The following GATA4 variants were observed in gnomAD, a reference collection of about 807,000 sequenced individuals.
The protein encoded by GATA4 is GATA binding protein 4, also known as transcription factor GATA-4.
In GATA4, 7 loss-of-function variants were observed where a neutral mutation model predicts 37.9. That is an observed-to-expected ratio of 0.18 (90% CI 0.11 to 0.35). GATA4 has a LOEUF of 0.35. GATA4 is among the 10% of genes least tolerant of loss of function. The pLI, the probability that GATA4 is intolerant of heterozygous loss-of-function variation, is 1.00. For missense variants in GATA4, 647 were observed against 653.0 expected (o/e 0.99, Z 0.10); for synonymous variants, 372 against 292.6 (o/e 1.27, Z -2.77).
At chr8:11,692,336 G>A (rs919058696), upstream of GATA4, among the ~76,000 whole-genome samples, 7 of 152,244 alleles carry the variant, frequency 4.6e-5, no homozygotes, top group African/African-American at 1.7e-4. Context: ...CTTGCTCCAT[G>A]AGAACATTAG....
intron 1 of GATA4, chr8:11,698,009 C>T (rs1415576670): frequency 2.0e-6 from 2 of 985,328 alleles, no homozygotes; most frequent in Non-Finnish European, 2.4e-6. Flanking sequence ...GGGAGCTGGG[C>T]AAGAGGAGCC....
At chr8:11,733,616 C>T (rs781093250) in intron 2 of GATA4, among the ~76,000 whole-genome samples, 1 of 152,196 alleles carries the variant, frequency 6.6e-6, no homozygotes, top group South Asian at 2.1e-4. Flanking sequence ...TGTTATGTGC[C>T]TTAACAATGC....
At chr8:11,748,871 G>T (rs771243595) in intron 2 of GATA4, 45 bp from the exon 3 acceptor site, 2 of 1,608,494 alleles carry the variant, frequency 1.2e-6, no homozygotes, top group Non-Finnish European at 8.5e-7. Flanking sequence ...CATAAACAAA[G>T]AATTAATCCT....
intron 6 of GATA4, among the ~76,000 whole-genome samples, chr8:11,757,819 C>T (rs978699115): frequency 3.9e-5 from 6 of 152,248 alleles, no homozygotes; most frequent in African/African-American, 1.4e-4. Flanking sequence ...ATCACGGTCT[C>T]CTTTGACCAG....
At position 11,709,427 on chromosome 8, in the gene GATA4, C is replaced by A. The variant is rs1451493305; in HGVS notation, c.616+499C>A. ...TTGGCGGCCCAGCTGGAGGATCCCTCGGGGTAGCTGATGATTTTCCCGTCG... is the reference window on the plus strand; with the variant it reads ...TTGGCGGCCCAGCTGGAGGATCCCTAGGGGTAGCTGATGATTTTCCCGTCG... On this transcript the variant is annotated intron_variant, in intron 2 of 6. Coordinates refer to ENST00000532059, the MANE Select transcript of GATA4 (RefSeq NM_001308093.3). This position sits in a 1 kb window ranked among gnomAD's most constrained non-coding sequence, Gnocchi z 4.3. Among the ~76,000 whole-genome samples, 3 of 152,172 alleles carry A rather than the reference C, an allele frequency of 2.0e-5. No individual in the cohort carries two copies. Among genetic ancestry groups the A allele is most frequent in the Admixed American group, 6.5e-5 (1 of 15,290 alleles).
At chr8:11,677,242 G>A (rs1179794720) in intron 1 of GATA4, among the ~76,000 whole-genome samples, 1 of 152,230 alleles carries the variant, frequency 6.6e-6, no homozygotes, top group African/African-American at 2.4e-5. Context: ...GCTGTGGAGA[G>A]GCTTTGAGGC....
intron 1 of GATA4, chr8:11,694,404 A>G: frequency 1.2e-6 from 1 of 809,620 alleles, no homozygotes; most frequent in Non-Finnish European, 1.5e-6. Flanking sequence ...CTGTAAGGTC[A>G]GAGCTGGCGT....
chr8:11,750,068 C>T (rs1468842331), intron 3 of GATA4, 43 bp from the exon 4 acceptor site: 3 of 1,613,706 alleles, frequency 1.9e-6, no homozygotes, highest in Non-Finnish European at 2.5e-6. Context: ...GGGCAGTGCA[C>T]ACCTTTTACT....
At chr8:11,683,095 G>A (rs973258522) in intron 1 of GATA4, 1 of 985,284 alleles carries the variant, frequency 1.0e-6, no homozygotes, top group African/African-American at 1.7e-5. Flanking sequence ...CTTCTCGCCG[G>A]ATTGCCTTGG....
intron 1 of GATA4, among the ~76,000 whole-genome samples, chr8:11,677,679 T>C (rs527492634): frequency 6.6e-6 from 1 of 152,202 alleles, no homozygotes; most frequent in African/African-American, 2.4e-5. Flanking sequence ...CATTAGTTAG[T>C]AGCTAGGTCT....
At chr8:11,710,335 C>A (rs895033648) in intron 2 of GATA4, among the ~76,000 whole-genome samples, 3 of 152,090 alleles carry the variant, frequency 2.0e-5, no homozygotes, top group Admixed American at 2.0e-4. Flanking sequence ...TGCGAGATAG[C>A]GCGGCGACAT....
intron 1 of GATA4, chr8:11,694,476 C>T: frequency 1.0e-6 from 1 of 985,372 alleles, no homozygotes; most frequent in African/African-American, 1.7e-5. Flanking sequence ...GCTCTCCGAG[C>T]CGTGGACTGC....
At chr8:11,680,632 C>A in intron 1 of GATA4, 2 of 985,324 alleles carry the variant, frequency 2.0e-6, no homozygotes, top group Non-Finnish European at 2.4e-6. Context: ...TCTTGCCACG[C>A]CTGGCGCTGC....
chr8:11,757,213 G>A (rs967346870), intron 6 of GATA4, 130 bp downstream of exon 6: 52 of 1,365,480 alleles, frequency 3.8e-5, no homozygotes, highest in Middle Eastern at 5.2e-4. Flanking sequence ...TACCCTCTGC[G>A]CTAGGAAGAC....
At chr8:11,695,204 G>A (rs1484143208) in intron 1 of GATA4, among the ~76,000 whole-genome samples, 2 of 152,102 alleles carry the variant, frequency 1.3e-5, no homozygotes, top group African/African-American at 4.8e-5. Context: ...CTGGGAGTTC[G>A]AGACCAGCCT....
At chr8:11,743,931 G>A (rs1449095508) in intron 2 of GATA4, among the ~76,000 whole-genome samples, 1 of 152,162 alleles carries the variant, frequency 6.6e-6, no homozygotes, top group Admixed American at 6.5e-5. Context: ...TGAAGAGTGA[G>A]ATCCCCATCC....
rs769623532 is a variant in GATA4 at position 11,750,207 on chromosome 8, G to C, written c.883G>C (p.Ala295Pro). The change falls in exon 4 of 7, where the codon GCC becomes CCC. Residue 295 changes from alanine (A) to proline (P), a missense_variant. By Grantham distance (27) the Ala-to-Pro change is conservative (BLOSUM62 -1). Coordinates refer to ENST00000532059, the MANE Select transcript of GATA4 (RefSeq NM_001308093.3). ...TGCGGAGGGCGAGCCTGTGTGCAAT[G>C]CCTGCGGCCTCTACATGAAGCTCCA... ...RNAEGEPVCNACGLYMKLHGV... is the reference protein window; with the variant it reads ...RNAEGEPVCNPCGLYMKLHGV... 6.2e-7 allele frequency: 1 copy of C among 1,613,508 alleles called. No individual in the cohort carries two copies. The highest frequency in any genetic ancestry group is 1.1e-5 in the South Asian group (1 of 91,088).
In GATA4 at chr8:11,708,070, G is replaced by C; in HGVS notation, c.-243G>C. On this transcript the variant is annotated 5_prime_UTR_variant, in exon 2 of 7. Transcript: ENST00000532059. This position sits in a 1 kb window ranked among gnomAD's most constrained non-coding sequence, Gnocchi z 6.7. ...TTCAGCTGCTCCTACATCAGCTTCCGGAACCACCAAAAATTCAAATTGGGA... is the reference window on the plus strand; with the variant it reads ...TTCAGCTGCTCCTACATCAGCTTCCCGAACCACCAAAAATTCAAATTGGGA... 1 of 591,940 alleles carries C rather than the reference G, an allele frequency of 1.7e-6. No homozygotes were observed. The highest frequency in any genetic ancestry group is 3.1e-6 in the Non-Finnish European group (1 of 326,786). 36.7% of individuals were successfully genotyped at this position (591,940 alleles called of 1,614,324 possible).
At chr8:11,698,542 T>TCTC (rs1381936442) in intron 1 of GATA4, among the ~76,000 whole-genome samples, 1 of 152,116 alleles carries the variant, frequency 6.6e-6, no homozygotes, top group African/African-American at 2.4e-5. Context: ...TTCTCTTGTT[T>TCTC]CTCCTCCTCC....
Sources: gnomAD v4.1 joint callset for allele counts (sites outside exome capture counted in the v4.1 genomes callset) on GRCh38, gnomAD v4.1.1 for gene constraint, Gnocchi (gnomAD v3.1) non-coding constraint, MANE v1.5 for transcripts, NCBI Gene and HGNC (gene_info 2026-07-23, HGNC 2026-07-21) for gene names.